The following WRN variants were observed in gnomAD, a reference collection of about 807,000 sequenced individuals.
WRN encodes WRN RecQ like helicase, also known as bifunctional 3'-5' exonuclease/ATP-dependent helicase WRN.
WRN carries 149 observed loss-of-function variants against 180.7 expected under a neutral mutation model. The ratio of observed to expected loss-of-function variants is 0.82; its 90% CI spans 0.72 to 0.94. The LOEUF (loss-of-function observed/expected upper bound fraction) is 0.94. Ranked by LOEUF, WRN falls within the 40% of genes least tolerant of loss-of-function variation. The pLI is 0.00. For missense variants in WRN, 1,661 were observed against 1,700.1 expected, an observed-to-expected ratio of 0.98 and a Z score of 0.40; for synonymous variants, 548 against 568.9, an observed-to-expected ratio of 0.96 and a Z score of 0.52.
intron 31 of WRN, among the ~76,000 whole-genome samples, chr8:31,151,358 C>T (rs1356417795): frequency 6.6e-6 from 1 of 152,124 alleles, no homozygotes; most frequent in Non-Finnish European, 1.5e-5. Context: ...ACAGTTGGAT[C>T]CTACTTTAGA....
chr8:31,062,237 T>G (rs1246776799), intron 3 of WRN, among the ~76,000 whole-genome samples: 1 of 152,202 alleles, frequency 6.6e-6, no homozygotes, highest in Non-Finnish European at 1.5e-5. Context: ...AGGGTGAGTC[T>G]GGCCTCCCTT....
chr8:31,113,569 C>G (rs1801402018), intron 19 of WRN, among the ~76,000 whole-genome samples: 1 of 152,126 alleles, frequency 6.6e-6, no homozygotes, highest in Non-Finnish European at 1.5e-5. Context: ...TCATTATCTC[C>G]TCCTAATCTT....
intron 17 of WRN, among the ~76,000 whole-genome samples, chr8:31,100,124 G>A (rs1285424755): frequency 6.6e-6 from 1 of 152,174 alleles, no homozygotes; most frequent in East Asian, 1.9e-4. Context: ...AAGCACTACT[G>A]TTACTACTGT....
intron 24 of WRN, among the ~76,000 whole-genome samples, chr8:31,136,193 A>G (rs1377496823): frequency 3.9e-5 from 6 of 152,066 alleles, no homozygotes; most frequent in African/African-American, 9.7e-5. Context: ...GGGTCTCCCT[A>G]TGTTTCCCAG....
intron 1 of WRN, among the ~76,000 whole-genome samples, chr8:31,036,946 A>G (rs992925971): frequency 3.3e-5 from 5 of 152,102 alleles, no homozygotes; most frequent in Admixed American, 6.5e-5. Context: ...GCAGTCCCCA[A>G]CCTTTTTGGT....
chr8:31,068,526 C>G (rs1242203403), intron 7 of WRN, among the ~76,000 whole-genome samples, 199 bp downstream of exon 7: 1 of 152,176 alleles, frequency 6.6e-6, no homozygotes, highest in Admixed American at 6.5e-5. Context: ...GCAGCCCTTA[C>G]TTCTTTTACT....
intron 1 of WRN, among the ~76,000 whole-genome samples, chr8:31,046,182 A>G (rs1480345688): frequency 6.6e-6 from 1 of 152,196 alleles, no homozygotes; most frequent in African/African-American, 2.4e-5. Flanking sequence ...TAGGATAAAA[A>G]TAATTTGAGT....
chr8:31,092,439 T>G (rs1229094594), intron 16 of WRN, among the ~76,000 whole-genome samples: 1 of 146,814 alleles, frequency 6.8e-6, no homozygotes, highest in East Asian at 2.0e-4. Context: ...CACACCCATT[T>G]TGTGTGTGTG....
chr8:31,078,849 T>C (rs928565495), intron 8 of WRN, among the ~76,000 whole-genome samples: 2 of 152,200 alleles, frequency 1.3e-5, no homozygotes, highest in African/African-American at 4.8e-5. Flanking sequence ...CGTTGGTATT[T>C]GTTAGAGTAA....
intron 18 of WRN, among the ~76,000 whole-genome samples, chr8:31,107,373 G>C (rs937169720): frequency 2.0e-5 from 3 of 152,158 alleles, no homozygotes; most frequent in African/African-American, 7.2e-5. Context: ...ATTTTATACA[G>C]TTCTTAAACA....
At chr8:31,127,887 A>C (rs535991756) in intron 23 of WRN, among the ~76,000 whole-genome samples, 1 of 152,234 alleles carries the variant, frequency 6.6e-6, no homozygotes, top group East Asian at 1.9e-4. Context: ...CCATGATGGC[A>C]CCACTACACT....
chr8:31,059,283 C>G lies in WRN; in HGVS notation c.209+18C>G. 1.9e-6 allele frequency: 3 copies of G among 1,597,030 alleles called. No homozygotes were observed. Among genetic ancestry groups the G allele is most frequent in the Non-Finnish European group, 2.6e-6 (3 of 1,164,846 alleles). On this transcript the variant is annotated intron_variant, in intron 3 of 34. Transcript: ENST00000298139. ...GATATTAGGTAAGTGATTTGAATTT[C>G]CTGATTTTATTTGAATTTGGACCCT...
Position 31,087,988 on chromosome 8 carries a change from A to C in WRN, c.1576+68A>C, listed in dbSNP as rs561153621. ...TACCACTGACTTTAACTTAGGATCCAGTTTTGGATGGTTTGGAGGTCAGGG... is the reference window on the plus strand; with the variant it reads ...TACCACTGACTTTAACTTAGGATCCCGTTTTGGATGGTTTGGAGGTCAGGG... On this transcript the variant is annotated intron_variant, in intron 12 of 34. Coordinates refer to ENST00000298139, the MANE Select transcript of WRN (RefSeq NM_000553.6). 2.5e-6 allele frequency: 4 copies of C among 1,574,182 alleles called. No individual in the cohort carries two copies. The East Asian group carries it at 9.3e-5, about 36-fold the overall frequency.
Position 31,175,953 on chromosome 8 carries a change from T to C in WRN, c.*2851T>C, listed in dbSNP as rs1185988433. On this transcript the variant is annotated 3_prime_UTR_variant, in exon 35 of 35. Transcript: ENST00000298139. ...ATTTCTAAAGTGGTAGTGATAGATA[T>C]AACCCATATTAATAAAAGCTCTTTG... 2.0e-5 allele frequency among the ~76,000 whole-genome samples: 3 copies of C among 152,240 alleles called. No individual in the cohort carries two copies. Among genetic ancestry groups the C allele is most frequent in the African/African-American group, 7.2e-5 (3 of 41,446 alleles).
intron 1 of WRN, among the ~76,000 whole-genome samples, chr8:31,047,077 C>T (rs1288291110): frequency 6.6e-6 from 1 of 151,652 alleles, no homozygotes; most frequent in Non-Finnish European, 1.5e-5. Context: ...CCTCTTCCCC[C>T]TATACTTAAA....
chr8:31,062,830 AT>A (rs144414684), intron 3 of WRN, among the ~76,000 whole-genome samples: 10 of 150,596 alleles, frequency 6.6e-5, no homozygotes, highest in African/African-American at 1.7e-4. Flanking sequence ...AGTTTTGTGC[AT>A]TTTTTTTTCT....
intron 8 of WRN, among the ~76,000 whole-genome samples, chr8:31,078,798 A>G (rs1352701933): frequency 6.6e-6 from 1 of 152,214 alleles, no homozygotes; most frequent in African/African-American, 2.4e-5. Flanking sequence ...CTGAAAAAGA[A>G]GGAAAAGTAT....
intron 1 of WRN, among the ~76,000 whole-genome samples, chr8:31,054,907 AGT>A (rs1812208165): frequency 6.6e-6 from 1 of 152,028 alleles, no homozygotes; most frequent in Admixed American, 6.6e-5. Context: ...TCCAGGACCC[AGT>A]GTGTGTTGTT....
chr8:31,135,328 C>T (rs6987918), intron 24 of WRN, among the ~76,000 whole-genome samples: 48,269 of 151,924 alleles, frequency 0.32, 8,065 homozygotes, highest in South Asian at 0.37. Flanking sequence ...CCCAAAGCAC[C>T]GAGAGTCACT....
Sources: gnomAD v4.1 joint callset for allele counts (sites outside exome capture counted in the v4.1 genomes callset) on GRCh38, gnomAD v4.1.1 for gene constraint, MANE v1.5 for transcripts, NCBI Gene and HGNC (gene_info 2026-07-23, HGNC 2026-07-21) for gene names.